Variants in LRFN2 observed in about 807,000 individuals in gnomAD.
LRFN2 encodes the protein leucine rich repeat and fibronectin type III domain containing 2, also known as leucine-rich repeat and fibronectin type-III domain-containing protein 2.
Under a neutral mutation model 37.3 loss-of-function variants are expected in LRFN2, and 18 were observed. The ratio of observed to expected loss-of-function variants is 0.48; its 90% CI spans 0.33 to 0.72. LRFN2 has a LOEUF of 0.72. Ranked by LOEUF, LRFN2 falls within the 30% of genes least tolerant of loss-of-function variation. The pLI is 0.02. For synonymous variants in LRFN2, 556 were observed against 466.6 expected, an observed-to-expected ratio of 1.19 and a Z score of -2.47; for missense variants, 1,006 against 1,060.7, an observed-to-expected ratio of 0.95 and a Z score of 0.72.
intron 1 of LRFN2, among the ~76,000 whole-genome samples, chr6:40,577,108 C>CTTCTCTTCTCTTCTCTTCT (rs1554145947): frequency 6.7e-5 from 7 of 104,680 alleles, no homozygotes; most frequent in East Asian, 5.5e-4. Flanking sequence ...CTTTTCCTTT[C>CTTCTCTTCTCTTCTCTTCT]TTTTCTTTTT....
At chr6:40,522,883 G>C (rs1018239954) in intron 1 of LRFN2, among the ~76,000 whole-genome samples, 1 of 152,238 alleles carries the variant, frequency 6.6e-6, no homozygotes, top group Non-Finnish European at 1.5e-5. Flanking sequence ...TGTATGATGG[G>C]CAGAAACTGG....
At chr6:40,534,525 G>T (rs763317188) in intron 1 of LRFN2, among the ~76,000 whole-genome samples, 2 of 152,068 alleles carry the variant, frequency 1.3e-5, no homozygotes, top group Non-Finnish European at 2.9e-5. Flanking sequence ...TCTGAAGTCA[G>T]CTCTATGGCC....
At chr6:40,549,800 G>C (rs892048340) in intron 1 of LRFN2, among the ~76,000 whole-genome samples, 1 of 152,068 alleles carries the variant, frequency 6.6e-6, no homozygotes, top group Non-Finnish European at 1.5e-5. Flanking sequence ...CACTTTGGGA[G>C]GCCGAGGCAG....
chr6:40,511,853 A>C (rs1455672016), intron 1 of LRFN2, among the ~76,000 whole-genome samples: 1 of 152,210 alleles, frequency 6.6e-6, no homozygotes, highest in Non-Finnish European at 1.5e-5. Flanking sequence ...GTTTTCTACA[A>C]AGGAGAAATG....
intron 2 of LRFN2, among the ~76,000 whole-genome samples, chr6:40,418,482 G>A (rs563261872): frequency 1.2e-4 from 18 of 152,148 alleles, no homozygotes; most frequent in Non-Finnish European, 1.9e-4. Context: ...GGCAAGAGCT[G>A]TGCCTGTCTT....
intron 1 of LRFN2, among the ~76,000 whole-genome samples, chr6:40,574,922 C>A (rs1198694547): frequency 1.3e-5 from 2 of 152,214 alleles, no homozygotes; most frequent in African/African-American, 4.8e-5. Context: ...CACAGGGGAT[C>A]CCTGCTTCTC....
Position 40,431,881 on chromosome 6 carries a change from G to A in LRFN2, c.1233C>T (p.Gly411=). The A allele has an allele frequency of 6.2e-7, 1 of 1,606,458 alleles. No homozygotes were observed. Among genetic ancestry groups the A allele is most frequent in the Admixed American group, 1.7e-5 (1 of 59,718 alleles). ...TTTTGGGAGGCTCTCCGCCCCCACT[G>A]CCTCCACCTCCCCGGCTGGTCTTGC... ...GSSKTSRGGG[G]SGGGEPPKSP... The change falls in exon 2 of 3, where the codon GGC becomes GGT. Residue 411 remains glycine, a synonymous_variant. Coordinates refer to ENST00000338305, the MANE Select transcript of LRFN2 (RefSeq NM_020737.3).
intron 2 of LRFN2, among the ~76,000 whole-genome samples, chr6:40,429,134 C>T (rs1336917670): frequency 6.6e-6 from 1 of 152,024 alleles, no homozygotes; most frequent in Non-Finnish European, 1.5e-5. Context: ...TTTTTTATTC[C>T]AAGTTTTCTG....
intron 1 of LRFN2, among the ~76,000 whole-genome samples, chr6:40,533,755 T>C (rs1766396693): frequency 6.6e-6 from 1 of 152,094 alleles, no homozygotes; most frequent in African/African-American, 2.4e-5. Context: ...CTGAGAAGCA[T>C]GCTGTGGAGG....
intron 1 of LRFN2, among the ~76,000 whole-genome samples, chr6:40,542,347 G>A (rs1044155972): frequency 7.9e-5 from 12 of 152,122 alleles, no homozygotes; most frequent in African/African-American, 2.9e-4. Flanking sequence ...GGTCATTAAG[G>A]ATGCAGCCTA....
At chr6:40,433,834 C>G (rs1182175400) in intron 1 of LRFN2, among the ~76,000 whole-genome samples, 2 of 152,230 alleles carry the variant, frequency 1.3e-5, no homozygotes, top group South Asian at 2.1e-4. Context: ...GGAGTGAATT[C>G]TGAACCCTTC....
intron 1 of LRFN2, among the ~76,000 whole-genome samples, chr6:40,546,243 C>T (rs1431224506): frequency 2.0e-5 from 3 of 152,160 alleles, no homozygotes; most frequent in African/African-American, 7.2e-5. Flanking sequence ...AGAAGCGGGG[C>T]CTTGAATGCA....
chr6:40,556,927 G>A (rs1766902380), intron 1 of LRFN2, among the ~76,000 whole-genome samples: 1 of 152,116 alleles, frequency 6.6e-6, no homozygotes, highest in Non-Finnish European at 1.5e-5. Flanking sequence ...CTTTGATTTT[G>A]TCTAATCCAC....
At chr6:40,505,808 G>A (rs1333421505) in intron 1 of LRFN2, among the ~76,000 whole-genome samples, 13 of 152,196 alleles carry the variant, frequency 8.5e-5, no homozygotes, top group Non-Finnish European at 8.8e-5. Context: ...GGGTTGGGGG[G>A]TCCCACCTGT....
chr6:40,534,867 C>A (rs1387044478), intron 1 of LRFN2, among the ~76,000 whole-genome samples: 1 of 152,132 alleles, frequency 6.6e-6, no homozygotes, highest in Non-Finnish European at 1.5e-5. Context: ...GTGCCCCGCG[C>A]CCATCTTAGA....
At chr6:40,456,348 A>G (rs1764234775) in intron 1 of LRFN2, among the ~76,000 whole-genome samples, 1 of 152,238 alleles carries the variant, frequency 6.6e-6, no homozygotes. Flanking sequence ...ACTGCTTAGA[A>G]AGCCAGAGGA....
intron 1 of LRFN2, among the ~76,000 whole-genome samples, chr6:40,563,224 T>C (rs941532682): frequency 9.2e-5 from 14 of 152,152 alleles, no homozygotes; most frequent in Non-Finnish European, 2.1e-4. Flanking sequence ...TCTGGAAATA[T>C]CTGCCTCTCT....
chr6:40,404,258 G>A (rs1762800131), intron 2 of LRFN2, among the ~76,000 whole-genome samples: 1 of 152,096 alleles, frequency 6.6e-6, no homozygotes, highest in Non-Finnish European at 1.5e-5. Flanking sequence ...AGCTCCCTGA[G>A]GTCAGAGTTT....
chr6:40,422,156 A>T (rs1235072429), intron 2 of LRFN2, among the ~76,000 whole-genome samples: 2 of 151,844 alleles, frequency 1.3e-5, no homozygotes, highest in Non-Finnish European at 2.9e-5. Context: ...CTCTTTGGAG[A>T]TAACCCCATA....
Sources: allele counts gnomAD v4.1 joint callset (sites outside exome capture counted in the v4.1 genomes callset), GRCh38; gene constraint gnomAD v4.1.1; transcripts MANE v1.5; gene names NCBI Gene and HGNC (gene_info 2026-07-23, HGNC 2026-07-21).